AKAP13: variants seen among roughly 807,000 people sequenced by gnomAD.
AKAP13 encodes the protein A-kinase anchor protein 13.
AKAP13 carries 80 observed loss-of-function variants against 264.5 expected under a neutral mutation model. The ratio of observed to expected loss-of-function variants is 0.30; its 90% confidence interval spans 0.25 to 0.36. The LOEUF (loss-of-function observed/expected upper bound fraction) is 0.36. AKAP13 is among the 10% of genes least tolerant of loss of function. The pLI is 1.00. For missense variants in AKAP13, 3,712 were observed against 3,435.2 expected (o/e 1.08, Z -2.01); for synonymous variants, 1,380 against 1,250.2 (o/e 1.10, Z -2.19).
intron 14 of AKAP13, among the ~76,000 whole-genome samples, chr15:85,679,029 G>A (rs540772215): frequency 2.2e-4 from 33 of 151,786 alleles, no homozygotes; most frequent in African/African-American, 5.3e-4. Context: ...TCACGAGGTC[G>A]GGAGTTCAAG....
intron 5 of AKAP13, among the ~76,000 whole-genome samples, chr15:85,552,855 G>T (rs1272234743): frequency 4.0e-5 from 6 of 151,716 alleles, no homozygotes; most frequent in Non-Finnish European, 5.9e-5. Flanking sequence ...TTTTATACAT[G>T]ATTTTGGCCA....
intron 8 of AKAP13, among the ~76,000 whole-genome samples, chr15:85,614,975 A>C (rs918628799): frequency 1.3e-5 from 2 of 152,162 alleles, no homozygotes; most frequent in African/African-American, 4.8e-5. Context: ...TTCCCAACTG[A>C]AATTTTGATT....
At chr15:85,454,391 C>T (rs1030821580) in intron 1 of AKAP13, among the ~76,000 whole-genome samples, 1 of 152,120 alleles carries the variant, frequency 6.6e-6, no homozygotes, top group Non-Finnish European at 1.5e-5. Flanking sequence ...GGGGATCGCT[C>T]ATTCACTCAC....
intron 1 of AKAP13, among the ~76,000 whole-genome samples, chr15:85,482,928 A>G (rs772494726): frequency 6.6e-6 from 1 of 152,208 alleles, no homozygotes; most frequent in Non-Finnish European, 1.5e-5. Context: ...TGTTGCCAGC[A>G]TAACAATGAC....
At chr15:85,711,388 A>G (rs185259722) in intron 19 of AKAP13, among the ~76,000 whole-genome samples, 73 of 152,268 alleles carry the variant, frequency 4.8e-4, no homozygotes, top group African/African-American at 1.7e-3. Context: ...CTACTTTAGT[A>G]TATTTAATGT....
intron 5 of AKAP13, among the ~76,000 whole-genome samples, chr15:85,553,448 T>G (rs1047027879): frequency 6.6e-6 from 1 of 152,352 alleles, no homozygotes; most frequent in East Asian, 1.9e-4. Flanking sequence ...TTAATAAAGA[T>G]AAAATGTTCT....
intron 1 of AKAP13, among the ~76,000 whole-genome samples, chr15:85,470,324 G>A (rs938951641): frequency 6.6e-6 from 1 of 152,022 alleles, no homozygotes; most frequent in Non-Finnish European, 1.5e-5. Context: ...AAACAAAACA[G>A]AATCTGCATT....
At chr15:85,487,844 A>AC (rs1336910452) in intron 2 of AKAP13, among the ~76,000 whole-genome samples, 1 of 151,830 alleles carries the variant, frequency 6.6e-6, no homozygotes, top group East Asian at 1.9e-4. Flanking sequence ...GGATCATCCC[A>AC]CCTCAGCCTC....
Position 85,654,801 on chromosome 15 carries a change from G to A in AKAP13, c.4375-616G>A, listed in dbSNP as rs532157863. Among the ~76,000 whole-genome samples the A allele has an allele frequency of 2.6e-5, 4 of 152,084 alleles. No individual in the cohort carries two copies. The East Asian group carries it at 7.7e-4, about 29-fold the overall frequency. ...ATTTCACCACTGCACCCCAGCCTGG[G>A]TGACAGAGTGAGACCCTGTCTCAAA... On this transcript the variant is annotated intron_variant, in intron 10 of 36. Transcript: ENST00000394518.
intron 16 of AKAP13, among the ~76,000 whole-genome samples, chr15:85,692,214 T>C (rs1448686639): frequency 6.6e-6 from 1 of 152,202 alleles, no homozygotes; most frequent in Non-Finnish European, 1.5e-5. Context: ...AATACCTTTC[T>C]GTGTTGGCTT....
rs902583504 is a variant in AKAP13, at chr15:85,736,145, T to G, written c.7557+11T>G. On this transcript the variant is annotated intron_variant, in intron 33 of 36. Transcript: ENST00000394518. ...AAAAGAAACAGTGAGGTAAGGACAT[T>G]ATGAACTATTTAAGAAAATATGTGT... is the stretch of plus-strand genomic sequence containing the variant. The G allele has an allele frequency of 1.3e-6, 2 of 1,594,152 alleles. No homozygotes were observed. Among genetic ancestry groups the G allele is most frequent in the South Asian group, 1.1e-5 (1 of 89,792 alleles).
chr15:85,703,515 T>C (rs915439655), intron 17 of AKAP13, among the ~76,000 whole-genome samples: 3 of 152,154 alleles, frequency 2.0e-5, no homozygotes, highest in African/African-American at 7.2e-5. Context: ...GCACTCTTAG[T>C]CCAGATAGGG....
At chr15:85,682,075 T>C (rs2084632663) in intron 14 of AKAP13, 83 bp from the exon 15 acceptor site, 1 of 1,302,242 alleles carries the variant, frequency 7.7e-7, no homozygotes, top group Non-Finnish European at 1.1e-6. Context: ...GCTTTAGCTG[T>C]GTCATTGTGA....
chr15:85,709,691 T>C (rs1173393070), intron 18 of AKAP13, among the ~76,000 whole-genome samples: 2 of 148,300 alleles, frequency 1.3e-5, no homozygotes, highest in Non-Finnish European at 3.0e-5. Context: ...TTTTATTTTA[T>C]TTTATTTTAT....
chr15:85,713,325 T>C (rs541797572), intron 19 of AKAP13, among the ~76,000 whole-genome samples: 1 of 152,336 alleles, frequency 6.6e-6, no homozygotes, highest in African/African-American at 2.4e-5. Context: ...GTGTCTCCCT[T>C]TTACATTAAT....
rs116452235 is a variant in AKAP13 at position 85,534,285 on chromosome 15, G to A, written c.478+405G>A. 1,484 of 211,302 alleles carry A rather than the reference G, an allele frequency of 7.0e-3. 20 individuals carry two copies. The highest frequency in any genetic ancestry group is 0.027 in the African/African-American group (1,190 of 43,814). The allele number at this position is 211,302 out of a possible 1,614,324, so 13.1% of individuals were successfully genotyped here. A position where few individuals can be genotyped will look rare whatever the true frequency, so the allele number is the denominator to read the frequency against. On this transcript the variant is annotated intron_variant, in intron 4 of 36. Coordinates refer to ENST00000394518, the MANE Select transcript of AKAP13 (RefSeq NM_007200.5). ...AAAGATAGCCTGGAAGTGAAGGAGA[G>A]GAAAGATTGGGCAGTGAGTGGGAGG...
intron 1 of AKAP13, among the ~76,000 whole-genome samples, chr15:85,397,539 C>T (rs2071178452): frequency 6.6e-6 from 1 of 152,100 alleles, no homozygotes; most frequent in African/African-American, 2.4e-5. Flanking sequence ...TTGAAATCTG[C>T]GGGGACAAGT....
intron 1 of AKAP13, among the ~76,000 whole-genome samples, chr15:85,432,527 T>G (rs1285961804): frequency 6.6e-6 from 1 of 152,212 alleles, no homozygotes; most frequent in Non-Finnish European, 1.5e-5. Flanking sequence ...TTTACTATTC[T>G]GGGAAAGTTT....
chr15:85,561,624 G>A (rs1264477907), intron 5 of AKAP13, among the ~76,000 whole-genome samples: 1 of 152,132 alleles, frequency 6.6e-6, no homozygotes, highest in Non-Finnish European at 1.5e-5. Context: ...AGATATCGAT[G>A]CATCTATAAC....
Sources: allele counts gnomAD v4.1 joint callset (sites outside exome capture counted in the v4.1 genomes callset), GRCh38; gene constraint gnomAD v4.1.1; transcripts MANE v1.5; gene names NCBI Gene and HGNC (gene_info 2026-07-23, HGNC 2026-07-21).